ANKRD40CL: variants seen among roughly 807,000 people sequenced by gnomAD.
ANKRD40CL encodes the protein ANKRD40 C-terminal like, also known as putative ANKRD40 C-terminal-like protein.
For synonymous variants in ANKRD40CL, 5 were observed against 2.3 expected (o/e 2.14, Z -1.04); for missense variants, 11 against 6.4 (o/e 1.71, Z -0.77).
chr17:50,766,057 C>T (rs927029181), intron 2 of ANKRD40CL, among the ~76,000 whole-genome samples: 1 of 152,196 alleles, frequency 6.6e-6, no homozygotes, highest in Non-Finnish European at 1.5e-5. Flanking sequence ...ATGAAGTCAG[C>T]CCTGTTTGTG....
chr17:50,763,962 G>A (rs1203977893), intron 2 of ANKRD40CL: 8 of 392,814 alleles, frequency 2.0e-5, no homozygotes, highest in Non-Finnish European at 3.1e-5. Context: ...AAGCTATTGT[G>A]CAGAGGAGCA....
At chr17:50,767,035 C>G in intron 1 of ANKRD40CL, 24 bp from the exon 2 acceptor site, 1 of 695,922 alleles carries the variant, frequency 1.4e-6, no homozygotes, top group Non-Finnish European at 2.6e-6. Context: ...ACAGTGTGTT[C>G]TTGCCAGCCC....
chr17:50,767,204 G>A (rs923457613), intron 1 of ANKRD40CL, 193 bp from the exon 2 acceptor site: 11 of 611,110 alleles, frequency 1.8e-5, no homozygotes, highest in Admixed American at 1.5e-4. Context: ...GGTGCAGGCC[G>A]GTAGTACTCA....
rs1030574153 is a variant in ANKRD40CL at position 50,767,455 on chromosome 17, C to G, written c.-99+8G>C. On this transcript the variant is annotated splice_region_variant and intron_variant, in intron 1 of 3. Transcript: ENST00000450727. ...TGACAAGAAAGAAGCAGAAAGACCC[C>G]TCCATACCTGGGAAAATGACCTTGG... 3 of 274,588 alleles carry G rather than the reference C, an allele frequency of 1.1e-5. No individual in the cohort carries two copies. The highest frequency in any genetic ancestry group is 2.2e-5 in the Non-Finnish European group (3 of 137,452). 17.0% of individuals were successfully genotyped at this position (274,588 alleles called of 1,614,324 possible). A position where few individuals can be genotyped will look rare whatever the true frequency, so the allele number is the denominator to read the frequency against.
At chr17:50,766,665 C>G (rs1199893436) in intron 2 of ANKRD40CL, 6 of 481,488 alleles carry the variant, frequency 1.2e-5, no homozygotes, top group Non-Finnish European at 2.2e-5. Context: ...TAATTGCTGG[C>G]TGCTATTATT....
In ANKRD40CL at chr17:50,766,996, GC is replaced by G; in HGVS notation, c.-84del. 1 of 702,320 alleles carries G rather than the reference GC, an allele frequency of 1.4e-6. No individual in the cohort carries two copies. The highest frequency in any genetic ancestry group is 2.0e-5 in the Admixed American group (1 of 49,984). 43.5% of individuals were successfully genotyped at this position (702,320 alleles called of 1,614,324 possible). A position where few individuals can be genotyped will look rare whatever the true frequency, so the allele number is the denominator to read the frequency against. Reference sequence around the variant, plus strand: ...AACCAAATAAAAAGCACTTTCTACAGCCTCAGCACATCTGTCTGCAAGGTAA... The same window carrying G: ...AACCAAATAAAAAGCACTTTCTACAGCTCAGCACATCTGTCTGCAAGGTAA... On this transcript the variant is annotated 5_prime_UTR_variant, in exon 2 of 4. It introduces an in-frame stop codon into an upstream open reading frame of the 5' UTR. Transcript: ENST00000450727.
chr17:50,765,491 C>T (rs1971286516), intron 2 of ANKRD40CL, among the ~76,000 whole-genome samples: 1 of 152,182 alleles, frequency 6.6e-6, no homozygotes, highest in African/African-American at 2.4e-5. Flanking sequence ...TTTTCATTTT[C>T]AGACAGGAAA....
intron 1 of ANKRD40CL, 97 bp downstream of exon 1, chr17:50,767,366 T>C (rs565840698): frequency 9.5e-5 from 34 of 356,170 alleles, no homozygotes; most frequent in African/African-American, 6.2e-4. Context: ...TTTCTCGGTT[T>C]GAATGGACTC....
At chr17:50,765,640 G>A (rs986094169) in intron 2 of ANKRD40CL, among the ~76,000 whole-genome samples, 2 of 152,144 alleles carry the variant, frequency 1.3e-5, no homozygotes, top group Non-Finnish European at 2.9e-5. Flanking sequence ...TCTCACAGCC[G>A]CTGCTCTAAC....
chr17:50,763,376 T>G (rs532896394), intron 3 of ANKRD40CL, 21 bp downstream of exon 3: 1 of 398,954 alleles, frequency 2.5e-6, no homozygotes, highest in Non-Finnish European at 4.4e-6. Flanking sequence ...GATTCTGCAT[T>G]TAGAAACTCT....
intron 2 of ANKRD40CL, chr17:50,766,473 C>A: frequency 5.1e-6 from 1 of 195,482 alleles, no homozygotes; most frequent in Non-Finnish European, 1.0e-5. Flanking sequence ...CAAAGCATGC[C>A]CTTTGCACTC....
intron 1 of ANKRD40CL, 156 bp from the exon 2 acceptor site, chr17:50,767,167 C>T (rs778844354): frequency 3.1e-6 from 2 of 651,040 alleles, no homozygotes. Context: ...TCCAGACTCT[C>T]TTCTCAGGCT....
intron 2 of ANKRD40CL, chr17:50,764,721 T>C (rs1971266944): frequency 6.6e-6 from 1 of 152,336 alleles, no homozygotes; most frequent in Admixed American, 6.5e-5. Context: ...ACTGAACATG[T>C]TGAAAGCCTG....
chr17:50,765,860 T>C (rs1971302020), intron 2 of ANKRD40CL, among the ~76,000 whole-genome samples: 1 of 152,098 alleles, frequency 6.6e-6, no homozygotes, highest in Non-Finnish European at 1.5e-5. Context: ...GGAGACCATA[T>C]GTATGAGCTG....
chr17:50,767,223 A>G, intron 1 of ANKRD40CL: 1 of 582,448 alleles, frequency 1.7e-6, no homozygotes, highest in Non-Finnish European at 3.2e-6. Flanking sequence ...CACCCGAGGG[A>G]ATGGTGCCCT....
intron 2 of ANKRD40CL, among the ~76,000 whole-genome samples, chr17:50,766,107 G>A (rs998153693): frequency 6.6e-6 from 1 of 152,100 alleles, no homozygotes; most frequent in South Asian, 2.1e-4. Flanking sequence ...AGACGCTCCT[G>A]CCCAACTCAG....
In ANKRD40CL at chr17:50,763,128, C is replaced by T. The variant is rs1597956325; in HGVS notation, c.201+269G>A. 16 of 299,376 alleles carry T rather than the reference C, an allele frequency of 5.3e-5. No homozygotes were observed. In the East Asian group the frequency reaches 8.5e-4, roughly 16 times the overall value. 18.5% of individuals were successfully genotyped at this position (299,376 alleles called of 1,614,324 possible). A position where few individuals can be genotyped will look rare whatever the true frequency, so the allele number is the denominator to read the frequency against. On this transcript the variant is annotated intron_variant, in intron 3 of 3. Coordinates refer to ENST00000450727, the MANE Select transcript of ANKRD40CL (RefSeq NM_001358683.3). ...GCCAGGATAGTCTCGATCTCTTGAC[C>T]TTGTGATCTGCCCACCTCGGCCTCC...
chr17:50,763,698 A>T (rs1282765688), intron 2 of ANKRD40CL, 141 bp from the exon 3 acceptor site: 6 of 396,434 alleles, frequency 1.5e-5, no homozygotes, highest in African/African-American at 2.1e-5. Context: ...TGGAGCTTTC[A>T]TGGGCACATA....
In ANKRD40CL at chr17:50,767,482, G is replaced by T. The variant is rs980140688; in HGVS notation, c.-118C>A. 4.0e-6 allele frequency: 1 copy of T among 252,332 alleles called. No individual in the cohort carries two copies. Among genetic ancestry groups the T allele is most frequent in the Non-Finnish European group, 8.0e-6 (1 of 125,762 alleles). The allele number at this position is 252,332 out of a possible 1,614,324, so 15.6% of individuals were successfully genotyped here. ...CCATACCTGGGAAAATGACCTTGGT[G>T]ATGATCCTGGATCCCCTGATTCTAG... is the stretch of plus-strand genomic sequence containing the variant. On this transcript the variant is annotated 5_prime_UTR_variant, in exon 1 of 4. Transcript: ENST00000450727.
Sources: gnomAD v4.1 joint callset for allele counts (sites outside exome capture counted in the v4.1 genomes callset) on GRCh38, gnomAD v4.1.1 for gene constraint, MANE v1.5 for transcripts, NCBI Gene and HGNC (gene_info 2026-07-23, HGNC 2026-07-21) for gene names.